The following CDK13 variants were observed in gnomAD, a reference collection of about 807,000 sequenced individuals.
CDK13 encodes cyclin-dependent kinase 13.
In CDK13, 40 loss-of-function variants were observed where a neutral mutation model predicts 137.6. The observed-to-expected ratio is 0.29, with a 90% CI of 0.23 to 0.38. CDK13 has a LOEUF of 0.38. CDK13 is among the 10% of genes least tolerant of loss of function. The pLI is 1.00. For missense variants in CDK13, 1,704 were observed against 1,951.8 expected, an observed-to-expected ratio of 0.87 and a Z score of 2.39; for synonymous variants, 869 against 760.1, an observed-to-expected ratio of 1.14 and a Z score of -2.36.
chr7:39,971,978 C>A (rs1784009411), intron 1 of CDK13, among the ~76,000 whole-genome samples: 2 of 152,314 alleles, frequency 1.3e-5, no homozygotes, highest in South Asian at 4.1e-4. Context: ...ACACTTTGAA[C>A]AAATTCTTGA....
intron 7 of CDK13, chr7:40,061,990 G>A (rs921309127): frequency 4.6e-5 from 7 of 152,186 alleles, no homozygotes; most frequent in African/African-American, 1.7e-4. Context: ...ACCTCAAGTA[G>A]ATACTTGAGT....
chr7:40,014,000 C>T (rs1464398445), intron 5 of CDK13, among the ~76,000 whole-genome samples: 1 of 150,596 alleles, frequency 6.6e-6, no homozygotes, highest in South Asian at 2.1e-4. Context: ...TACATTTCAA[C>T]CAGCATTTAT....
chr7:39,984,487 AT>A (rs1374527266), intron 1 of CDK13: 4 of 152,004 alleles, frequency 2.6e-5, no homozygotes, highest in Non-Finnish European at 5.9e-5. Context: ...ATTTAAAAAA[AT>A]TTTGTGGGTG....
At chr7:39,968,943 A>G (rs1324274088) in intron 1 of CDK13, among the ~76,000 whole-genome samples, 10 of 152,200 alleles carry the variant, frequency 6.6e-5, no homozygotes, top group Non-Finnish European at 1.3e-4. Context: ...CTTAGTTTGT[A>G]TCCTTCCTTC....
At chr7:40,089,849 G>A (rs1275010528) in intron 12 of CDK13, among the ~76,000 whole-genome samples, 1 of 152,120 alleles carries the variant, frequency 6.6e-6, no homozygotes, top group East Asian at 1.9e-4. Context: ...AAACAGATGT[G>A]TGGATCAGAC....
chr7:40,044,844 A>G lies in CDK13; in HGVS notation c.2354-992A>G, dbSNP rs528901008. Among the ~76,000 whole-genome samples, 414 of 151,824 alleles carry G rather than the reference A, an allele frequency of 2.7e-3. 2 individuals carry two copies. The highest frequency in any genetic ancestry group is 6.9e-3 in the Middle Eastern group (2 of 290). On this transcript the variant is annotated intron_variant, in intron 5 of 13. Coordinates refer to ENST00000181839, the MANE Select transcript of CDK13 (RefSeq NM_003718.5). ...TTAGAGACGGGGTTTCACTGTGTCA[A>G]CCAGGATGGTCTTGATCTCCTGACC...
chr7:39,965,853 A>G lies in CDK13; in HGVS notation c.1211+14001A>G, dbSNP rs1002585192. Among the ~76,000 whole-genome samples, 24 of 152,110 alleles carry G rather than the reference A, an allele frequency of 1.6e-4. 1 individual carries two copies. The South Asian group carries it at 1.7e-3, about 11-fold the overall frequency. ...CTCAGCATTTGCTTGTCTGTTAAGG[A>G]TTTTATTTCTCCTTCACTTATGAAG... On this transcript the variant is annotated intron_variant, in intron 1 of 13. Transcript: ENST00000181839.
intron 7 of CDK13, among the ~76,000 whole-genome samples, chr7:40,052,625 T>TA (rs1214189734): frequency 6.6e-6 from 1 of 152,194 alleles, no homozygotes; most frequent in African/African-American, 2.4e-5. Context: ...AGCTCACTAA[T>TA]ACCACCCTCC....
chr7:40,029,646 G>GA (rs1196502840), intron 5 of CDK13, among the ~76,000 whole-genome samples: 1 of 150,944 alleles, frequency 6.6e-6, no homozygotes, highest in East Asian at 1.9e-4. Context: ...AGAGAGAAAA[G>GA]ATTCTTTTTT....
intron 1 of CDK13, among the ~76,000 whole-genome samples, chr7:39,978,068 A>T (rs2116221223): frequency 6.6e-6 from 1 of 152,296 alleles, no homozygotes; most frequent in African/African-American, 2.4e-5. Flanking sequence ...TGTTGAAGAT[A>T]CATGTCAGAG....
intron 9 of CDK13, chr7:40,066,565 A>T (rs1786283998): frequency 6.6e-6 from 1 of 152,234 alleles, no homozygotes; most frequent in African/African-American, 2.4e-5. Flanking sequence ...GCGTAGATAC[A>T]GTGCTTTACA....
chr7:40,039,250 T>A (rs1053701440), intron 5 of CDK13, among the ~76,000 whole-genome samples: 2 of 151,818 alleles, frequency 1.3e-5, no homozygotes, highest in African/African-American at 2.4e-5. Context: ...AGAGAGTTTT[T>A]ATTTTATTTA....
At chr7:40,079,201 A>G (rs1050212111) in intron 11 of CDK13, among the ~76,000 whole-genome samples, 2 of 152,110 alleles carry the variant, frequency 1.3e-5, no homozygotes, top group African/African-American at 4.8e-5. Context: ...TGGGCGGATC[A>G]TGAGGTCAGG....
chr7:39,998,290 C>T (rs888192968), intron 3 of CDK13: 3 of 149,368 alleles, frequency 2.0e-5, no homozygotes, highest in African/African-American at 7.4e-5. Flanking sequence ...TGAGGTAGTG[C>T]CTAGTGTGTG....
chr7:40,073,859 G>A (rs925295293), intron 9 of CDK13, among the ~76,000 whole-genome samples: 1 of 150,054 alleles, frequency 6.7e-6, no homozygotes, highest in East Asian at 2.0e-4. Flanking sequence ...TAAAGTGCTG[G>A]GATTACAGGC....
intron 5 of CDK13, among the ~76,000 whole-genome samples, chr7:40,022,040 G>A (rs1785137368): frequency 1.3e-5 from 2 of 152,172 alleles, no homozygotes; most frequent in East Asian, 1.9e-4. Context: ...CGTTGAGGGC[G>A]AGTATTTACT....
At chr7:40,018,709 G>A (rs1785052691) in intron 5 of CDK13, among the ~76,000 whole-genome samples, 1 of 152,108 alleles carries the variant, frequency 6.6e-6, no homozygotes, top group Non-Finnish European at 1.5e-5. Context: ...TAAGCTGTGG[G>A]TATGCAAATA....
chr7:40,054,119 T>C (rs1785957249), intron 7 of CDK13, among the ~76,000 whole-genome samples: 1 of 152,160 alleles, frequency 6.6e-6, no homozygotes, highest in Non-Finnish European at 1.5e-5. Context: ...GAGGTACCAT[T>C]AGGCTGATGG....
chr7:39,988,250 A>G lies in CDK13; in HGVS notation c.1863A>G (p.Glu621=), dbSNP rs914374352. Residue 621 remains glutamate (E), a synonymous_variant, in exon 2 of 14, where the codon GAA becomes GAG. Transcript: ENST00000181839. ...PLPPMLPEDK[E]ADSLRGNISV... ...CTCCCATGCTGCCTGAAGATAAAGA[A>G]GCTGATAGGTAAGTGCAAAAAGTAT... is the stretch of plus-strand genomic sequence containing the variant. 1 of 1,593,104 alleles carries G rather than the reference A, an allele frequency of 6.3e-7. No individual in the cohort carries two copies. Among genetic ancestry groups the G allele is most frequent in the African/African-American group, 1.4e-5 (1 of 73,378 alleles).
Sources: gnomAD v4.1 joint callset for allele counts (sites outside exome capture counted in the v4.1 genomes callset) on GRCh38, gnomAD v4.1.1 for gene constraint, MANE v1.5 for transcripts, NCBI Gene and HGNC (gene_info 2026-07-23, HGNC 2026-07-21) for gene names.